Variants in GPR137 observed in about 807,000 individuals in gnomAD.
The protein encoded by GPR137 is integral membrane protein GPR137.
A neutral mutation model predicts 38.9 loss-of-function variants in GPR137; 20 were observed. That is an observed-to-expected ratio of 0.51 (90% CI 0.36 to 0.75). The LOEUF (loss-of-function observed/expected upper bound fraction) is 0.75, where lower values mean the gene tolerates loss of function less well. GPR137 is among the 30% of genes least tolerant of loss of function. GPR137 has a pLI of 0.00. For synonymous variants in GPR137, 226 were observed against 235.8 expected (o/e 0.96, Z 0.38); for missense variants, 456 against 526.4 (o/e 0.87, Z 1.31).
Position 64,288,756 on chromosome 11 carries a change from C to CG in GPR137, c.1031+35_1031+36insG. On this transcript the variant is annotated intron_variant, in intron 6 of 6. Transcript: ENST00000438980. This position sits in a 1 kb window ranked among gnomAD's most constrained non-coding sequence, Gnocchi z 5.5. ...GTGGCACTGCCTCAGTACCCCTGCC[C>CG]TACCCGCCCACCCCGCTGGCTCCAT... The CG allele has an allele frequency of 1.3e-6, 2 of 1,492,702 alleles. No individual in the cohort carries two copies. Among genetic ancestry groups the CG allele is most frequent in the Non-Finnish European group, 1.8e-6 (2 of 1,117,408 alleles). 92.5% of individuals were successfully genotyped at this position (1,492,702 alleles called of 1,614,324 possible). A position where few individuals can be genotyped will look rare whatever the true frequency, so the allele number is the denominator to read the frequency against.
At chr11:64,285,567 A>G (rs1419071710), upstream of GPR137, 5 of 983,582 alleles carry the variant, frequency 5.1e-6, no homozygotes, top group Non-Finnish European at 6.0e-6. Flanking sequence ...CGATTTGGGT[A>G]TAGGAGAGAG....
At chr11:64,284,214 T>C, upstream of GPR137, 1 of 1,604,356 alleles carries the variant, frequency 6.2e-7, no homozygotes, top group Non-Finnish European at 8.5e-7. Context: ...TGGCTGCTCC[T>C]GCTGGTGACT....
At chr11:64,278,548 T>C (rs574945292) in intron 2 of GPR137, among the ~76,000 whole-genome samples, 2 of 152,244 alleles carry the variant, frequency 1.3e-5, no homozygotes, top group Non-Finnish European at 2.9e-5. Flanking sequence ...TGGGACTAGT[T>C]CTATTCCCGT....
At chr11:64,280,960 G>A (rs1454260587), upstream of GPR137, among the ~76,000 whole-genome samples, 7 of 146,704 alleles carry the variant, frequency 4.8e-5, no homozygotes, top group South Asian at 4.4e-4. Flanking sequence ...GAGCCACCAC[G>A]CCCGGCCAAT....
chr11:64,288,680 T>C lies in GPR137; in HGVS notation c.990T>C (p.Asp330=), dbSNP rs766638478. The stretch of plus-strand genomic sequence containing the variant: ...TTGACCGGGCTGGGCACTGTGAAGA[T>C]GAGGGCTGCTCCTGGGAGCACAGCC... ...YFFDRAGHCE[D]EGCSWEHSRG... Residue 330 remains aspartate, a synonymous_variant, in exon 6 of 7, where the codon GAT becomes GAC. Transcript: ENST00000438980. The surrounding 1 kb of genome is among the most constrained non-coding windows in gnomAD (Gnocchi z 5.5). The C allele has an allele frequency of 1.2e-5, 19 of 1,589,186 alleles. No homozygotes were observed. The highest frequency in any genetic ancestry group is 1.5e-5 in the Non-Finnish European group (18 of 1,166,442).
At chr11:64,285,218 C>A, upstream of GPR137, 1 of 987,950 alleles carries the variant, frequency 1.0e-6, no homozygotes, top group Non-Finnish European at 1.2e-6. Flanking sequence ...CGCCGCCCGC[C>A]TCGGGGGACA....
upstream of GPR137, chr11:64,271,473 G>A (rs565972133): frequency 1.0e-3 from 893 of 870,992 alleles, 3 homozygotes; most frequent in Middle Eastern, 1.5e-3. Context: ...AGAATGCTCT[G>A]GAGCTAGGAA....
At chr11:64,277,712 T>C (rs1471292836) in intron 2 of GPR137, among the ~76,000 whole-genome samples, 1 of 152,178 alleles carries the variant, frequency 6.6e-6, no homozygotes, top group African/African-American at 2.4e-5. Context: ...GTGCTGGGAT[T>C]ACAGGTATGA....
chr11:64,284,442 G>A, upstream of GPR137: 2 of 1,604,098 alleles, frequency 1.2e-6, no homozygotes, highest in Non-Finnish European at 1.7e-6. Context: ...GGAAGGCAGA[G>A]GCAGGTACCC....
At chr11:64,284,787 C>G (rs1387157810), upstream of GPR137, 4 of 1,530,846 alleles carry the variant, frequency 2.6e-6, no homozygotes, top group South Asian at 3.6e-5. Flanking sequence ...CGGGGTCAAC[C>G]CGGCCCGGCC....
chr11:64,284,785 A>T (rs1565354262), upstream of GPR137: 1 of 1,528,416 alleles, frequency 6.5e-7, no homozygotes, highest in South Asian at 1.2e-5. Flanking sequence ...GGCGGGGTCA[A>T]CCCGGCCCGG....
upstream of GPR137, among the ~76,000 whole-genome samples, chr11:64,283,580 C>T (rs949154925): frequency 1.3e-5 from 2 of 152,208 alleles, no homozygotes; most frequent in East Asian, 1.9e-4. Flanking sequence ...GCTGTGGGTA[C>T]GAGCCACAGG....
intron 2 of GPR137, among the ~76,000 whole-genome samples, chr11:64,279,278 G>C (rs1210259311): frequency 6.6e-6 from 1 of 152,072 alleles, no homozygotes; most frequent in Non-Finnish European, 1.5e-5. Context: ...CTCCAACGAT[G>C]CTGCGGCTTC....
chr11:64,287,169 G>A (rs2034187343), intron 2 of GPR137, 155 bp downstream of exon 2: 9 of 985,380 alleles, frequency 9.1e-6, no homozygotes, highest in Non-Finnish European at 1.1e-5. Flanking sequence ...GGCGCAGATG[G>A]CTCAGCAGAG....
At chr11:64,284,433 G>A (rs987526821), upstream of GPR137, 1 of 1,606,150 alleles carries the variant, frequency 6.2e-7, no homozygotes, top group Admixed American at 1.7e-5. Flanking sequence ...GGTGGCCCTG[G>A]AAGGCAGAGG....
At chr11:64,270,916 C>T, upstream of GPR137, among the ~76,000 whole-genome samples, 1 of 132,620 alleles carries the variant, frequency 7.5e-6, no homozygotes, top group Non-Finnish European at 1.7e-5. Flanking sequence ...CACACACACA[C>T]ACACACACAC....
chr11:64,287,902 G>A lies in GPR137; in HGVS notation c.589G>A (p.Val197Ile), dbSNP rs141699719. The A allele has an allele frequency of 6.9e-6, 11 of 1,602,524 alleles. No individual in the cohort carries two copies. The highest frequency in any genetic ancestry group is 5.5e-5 in the South Asian group (5 of 91,078). ...ALSLAACLCL[V>I]ARRAPSTSIY... ...GTCTCTTGCTGCCTGCCTCTGCCTC[G>A]TCGCCAGGCGGGCGCCCTCCACTAG... Residue 197 changes from valine to isoleucine, a missense_variant, in exon 3 of 7, where the codon GTC (valine) becomes ATC (isoleucine). Transcript: ENST00000438980.
chr11:64,284,015 C>T (rs527991145), upstream of GPR137, among the ~76,000 whole-genome samples: 85 of 152,356 alleles, frequency 5.6e-4, no homozygotes, highest in African/African-American at 2.0e-3. Context: ...ACTCAACAGT[C>T]CTACAATGGT....
At chr11:64,284,139 G>T, upstream of GPR137, 1 of 1,526,350 alleles carries the variant, frequency 6.6e-7, no homozygotes. Flanking sequence ...CCAGTGGGCT[G>T]GGGGTGAGGT....
Sources: gnomAD v4.1 joint callset for allele counts (sites outside exome capture counted in the v4.1 genomes callset) on GRCh38, gnomAD v4.1.1 for gene constraint, Gnocchi (gnomAD v3.1) non-coding constraint, MANE v1.5 for transcripts, NCBI Gene and HGNC (gene_info 2026-07-23, HGNC 2026-07-21) for gene names.